Variants in NUP98 observed in about 807,000 individuals in gnomAD.
The protein encoded by NUP98 is nucleoporin 98 and 96 precursor.
In NUP98, 26 loss-of-function variants were observed where a neutral mutation model predicts 191.9. That is an observed-to-expected ratio of 0.14 (90% CI 0.10 to 0.19). NUP98 has a LOEUF of 0.19. NUP98 is among the 10% of genes least tolerant of loss of function. The pLI is 1.00. For missense variants in NUP98, 1,941 were observed against 2,178.8 expected (o/e 0.89, Z 2.17); for synonymous variants, 808 against 778.4 (o/e 1.04, Z -0.63).
At chr11:3,694,601 G>A (rs978965689) in intron 26 of NUP98, among the ~76,000 whole-genome samples, 4 of 152,062 alleles carry the variant, frequency 2.6e-5, no homozygotes, top group Admixed American at 1.3e-4. Context: ...TTAGCCCAGC[G>A]TGGTGGCAGG....
In NUP98 at chr11:3,779,191, G is replaced by A. The variant is rs752176757; in HGVS notation, c.143C>T (p.Thr48Ile). Residue 48 changes from threonine to isoleucine, a missense_variant, in exon 3 of 33, where the codon ACT becomes ATT. Thr to Ile is a moderately conservative substitution (Grantham distance 89). This residue lies in a region of NUP98 where 154 missense variants were observed against 182.9 expected (regional missense o/e 0.84). Coordinates refer to ENST00000324932, the MANE Select transcript of NUP98 (RefSeq NM_016320.5). ...CTGTGAATTTCCAAAGAGGCCTCCA[G>A]TATTGTTGCTAGAACCAAATGCAGA... is the stretch of plus-strand genomic sequence containing the variant. ...GTSAFGSSNN[T>I]GGLFGNSQTK... is the part of the protein sequence containing the mutation. The A allele has an allele frequency of 4.0e-5, 64 of 1,614,068 alleles. No individual in the cohort carries two copies.
chr11:3,706,509 T>C lies in NUP98; in HGVS notation c.2861A>G (p.Gln954Arg), dbSNP rs2078865795. The change falls in exon 21 of 33, where the codon CAG becomes CGG. Residue 954 changes from glutamine (Q) to arginine (R), a missense_variant. This residue lies in a region of NUP98 where 1,030 missense variants were observed against 1,115.8 expected (regional missense o/e 0.92). Coordinates refer to ENST00000324932, the MANE Select transcript of NUP98 (RefSeq NM_016320.5). The stretch of plus-strand genomic sequence containing the variant: ...ATGTGTTGAGGCAGACACAGGTTCC[T>C]GATCCTCAGGCATGCTCTCTTCTAA... ...TMLEESMPEDQEPVSASTHIA... is the reference protein window; with the variant it reads ...TMLEESMPEDREPVSASTHIA... The C allele has an allele frequency of 5.0e-6, 8 of 1,614,142 alleles. No homozygotes were observed. Among genetic ancestry groups the C allele is most frequent in the Non-Finnish European group, 5.9e-6 (7 of 1,180,006 alleles).
chr11:3,760,247 T>C, intron 10 of NUP98: 1 of 431,094 alleles, frequency 2.3e-6, no homozygotes, highest in Non-Finnish European at 4.1e-6. Context: ...TAACCAAATG[T>C]GTTTCCTTTA....
chr11:3,714,751 TA>T (rs2079123550), intron 18 of NUP98: 2 of 152,682 alleles, frequency 1.3e-5, no homozygotes, highest in East Asian at 3.8e-4. Context: ...GAATAACATA[TA>T]TTTTTTAATT....
intron 11 of NUP98, among the ~76,000 whole-genome samples, chr11:3,748,236 A>T (rs1175324712): frequency 6.6e-6 from 1 of 152,332 alleles, no homozygotes; most frequent in Non-Finnish European, 1.5e-5. Context: ...CATAACCTAC[A>T]AGATCCAGGA....
In NUP98 at chr11:3,741,033, G is replaced by C. The variant is rs577013371; in HGVS notation, c.1408+3476C>G. 2.6e-4 allele frequency among the ~76,000 whole-genome samples: 40 copies of C among 151,654 alleles called. 1 individual carries two copies. In the East Asian group the frequency reaches 7.2e-3, roughly 27 times the overall value. The stretch of plus-strand genomic sequence containing the variant: ...CATGGGGTTTTGCCATGTTGGCCAG[G>C]CTGGTCTCGAACGCTTGACCTCAAG... On this transcript the variant is annotated intron_variant, in intron 12 of 32. Coordinates refer to ENST00000324932, the MANE Select transcript of NUP98 (RefSeq NM_016320.5).
chr11:3,758,564 C>T (rs748878331), intron 10 of NUP98, among the ~76,000 whole-genome samples: 9 of 152,132 alleles, frequency 5.9e-5, no homozygotes, highest in Non-Finnish European at 5.9e-5. Context: ...GAGGGCAGAT[C>T]GCCTGAGGTC....
chr11:3,746,913 C>CA (rs200628434), intron 11 of NUP98, among the ~76,000 whole-genome samples: 14,222 of 90,712 alleles, frequency 0.16, 1,599 homozygotes, highest in African/African-American at 0.35. Context: ...AACGCAGTCT[C>CA]AAAAAAAAAA....
intron 20 of NUP98, among the ~76,000 whole-genome samples, chr11:3,709,723 A>C (rs939998314): frequency 1.3e-5 from 2 of 148,516 alleles, no homozygotes; most frequent in Non-Finnish European, 3.0e-5. Context: ...AACAATGCTA[A>C]GTTTCTGAGC....
rs570109808 is a variant in NUP98 at position 3,789,829 on chromosome 11, G to C, written c.-29+7571C>G. 8.9e-4 allele frequency among the ~76,000 whole-genome samples: 135 copies of C among 152,108 alleles called. 1 individual carries two copies. The highest frequency in any genetic ancestry group is 3.4e-3 in the Middle Eastern group (1 of 294). On this transcript the variant is annotated intron_variant, in intron 1 of 32. Coordinates refer to ENST00000324932, the MANE Select transcript of NUP98 (RefSeq NM_016320.5). ...ACAGTCTTGCTCTGTTGCCAGGCTG[G>C]AGTGCAGTGCAGTGGCATGATCTCA...
Position 3,712,618 on chromosome 11 carries a change from G to C in NUP98, c.2688C>G (p.Ser896Arg), listed in dbSNP as rs753648794. ...KLKTAPLPPASQTTPLQMALN... is the reference protein window; with the variant it reads ...KLKTAPLPPARQTTPLQMALN... ...GAGCCATCTGCAAGGGCGTAGTCTG[G>C]CTTGCAGGAGGCAAAGGAGCAGTCT... The change falls in exon 20 of 33, where the codon AGC becomes AGG. Residue 896 changes from serine (S) to arginine (R), a missense_variant. Coordinates refer to ENST00000324932, the MANE Select transcript of NUP98 (RefSeq NM_016320.5). The C allele has an allele frequency of 1.5e-5, 24 of 1,613,908 alleles. No individual in the cohort carries two copies. In the Admixed American group the frequency reaches 3.0e-4, roughly 20 times the overall value.
At chr11:3,791,142 C>A (rs188977875) in intron 1 of NUP98, among the ~76,000 whole-genome samples, 76 of 151,854 alleles carry the variant, frequency 5.0e-4, no homozygotes, top group Middle Eastern at 3.4e-3. Flanking sequence ...TGATCCGCCC[C>A]CCTCAGCCTC....
Position 3,725,224 on chromosome 11 carries a change from A to G in NUP98, c.1731-5T>C. 7.4e-7 allele frequency: 1 copy of G among 1,350,486 alleles called. No individual in the cohort carries two copies. The highest frequency in any genetic ancestry group is 1.1e-6 in the Non-Finnish European group (1 of 950,370). The allele number at this position is 1,350,486 out of a possible 1,614,324, so 83.7% of individuals were successfully genotyped here. ...ACCAACTTCTTAATGCTCTTCCTATAAACAAGAAACCAAAAGAAGAAGAAA... is the reference window on the plus strand; with the variant it reads ...ACCAACTTCTTAATGCTCTTCCTATGAACAAGAAACCAAAAGAAGAAGAAA... On this transcript the variant is annotated splice_region_variant and splice_polypyrimidine_tract_variant and intron_variant, in intron 14 of 32. Transcript: ENST00000324932.
chr11:3,712,141 A>G, intron 20 of NUP98: 14 of 1,062,842 alleles, frequency 1.3e-5, no homozygotes, highest in Non-Finnish European at 1.6e-5. Flanking sequence ...TGGAGATTAA[A>G]AACCCTTTCA....
intron 16 of NUP98, among the ~76,000 whole-genome samples, chr11:3,721,351 T>C (rs572581667): frequency 1.3e-5 from 2 of 152,270 alleles, no homozygotes; most frequent in East Asian, 3.9e-4. Context: ...CTGTTTTGCA[T>C]AAACCTCTTT....
chr11:3,725,439 G>A (rs540715441), intron 14 of NUP98, among the ~76,000 whole-genome samples: 1 of 152,292 alleles, frequency 6.6e-6, no homozygotes, highest in South Asian at 2.1e-4. Flanking sequence ...GAAGAATAAA[G>A]CTGAACACCT....
chr11:3,719,803 T>G (rs1029190715), intron 17 of NUP98, among the ~76,000 whole-genome samples: 3 of 151,584 alleles, frequency 2.0e-5, no homozygotes, highest in Admixed American at 1.3e-4. Context: ...CTTGTTCTGT[T>G]GACCAGACTG....
chr11:3,795,726 A>G (rs2082507284), intron 1 of NUP98, among the ~76,000 whole-genome samples: 1 of 152,232 alleles, frequency 6.6e-6, no homozygotes, highest in South Asian at 2.1e-4. Flanking sequence ...GAAATATCAA[A>G]TAAGTGTTAT....
At chr11:3,741,620 CA>C (rs1358532236) in intron 12 of NUP98, among the ~76,000 whole-genome samples, 2 of 148,664 alleles carry the variant, frequency 1.3e-5, no homozygotes, top group East Asian at 2.0e-4. Flanking sequence ...AACTCCGTCT[CA>C]AAAAAAAAGG....
Sources: allele counts gnomAD v4.1 joint callset (sites outside exome capture counted in the v4.1 genomes callset), GRCh38; gene constraint gnomAD v4.1.1; regional missense constraint gnomAD v4.1.1; transcripts MANE v1.5; gene names NCBI Gene and HGNC (gene_info 2026-07-23, HGNC 2026-07-21).